The following SLIT2 variants were observed in gnomAD, a reference collection of about 807,000 sequenced individuals.
The protein encoded by SLIT2 is slit guidance ligand 2.
SLIT2 carries 41 observed loss-of-function variants against 185.7 expected under a neutral mutation model. The ratio of observed to expected loss-of-function variants is 0.22; its 90% CI spans 0.17 to 0.29. The LOEUF (loss-of-function observed/expected upper bound fraction) is 0.29. Among genes scored for constraint, SLIT2 ranks in the 10% least tolerant of loss-of-function variants. SLIT2 has a pLI of 1.00. For synonymous variants in SLIT2, 693 were observed against 680.2 expected, an observed-to-expected ratio of 1.02 and a Z score of -0.29; for missense variants, 1,571 against 1,909.0, an observed-to-expected ratio of 0.82 and a Z score of 3.30.
At chr4:20,314,655 A>G (rs1012489916) in intron 4 of SLIT2, among the ~76,000 whole-genome samples, 1 of 152,142 alleles carries the variant, frequency 6.6e-6, no homozygotes, top group African/African-American at 2.4e-5. Context: ...TGGGAAGAAG[A>G]AAAAAATAGG....
chr4:20,500,046 T>C (rs1718576936), intron 9 of SLIT2, among the ~76,000 whole-genome samples: 1 of 152,190 alleles, frequency 6.6e-6, no homozygotes, highest in South Asian at 2.1e-4. Flanking sequence ...ATGGATGAAC[T>C]TGACTACTAT....
At position 20,254,982 on chromosome 4, in the gene SLIT2, T is replaced by C. The variant is rs772014908; in HGVS notation, c.179+988T>C. On this transcript the variant is annotated intron_variant, in intron 1 of 36. Transcript: ENST00000504154. The surrounding 1 kb of genome is among the most constrained non-coding windows in gnomAD (Gnocchi z 5.1). ...GTGTTGACGGCCCACGCGCTCCTGA[T>C]GAGGCGCTTCCAGAGTTCAGCGAAG... 2 of 456,298 alleles carry C rather than the reference T, an allele frequency of 4.4e-6. No homozygotes were observed. Among genetic ancestry groups the C allele is most frequent in the South Asian group, 3.1e-5 (2 of 64,576 alleles). 28.3% of individuals were successfully genotyped at this position (456,298 alleles called of 1,614,324 possible). A position where few individuals can be genotyped will look rare whatever the true frequency, so the allele number is the denominator to read the frequency against.
chr4:20,548,228 A>G (rs1179987174), intron 22 of SLIT2, among the ~76,000 whole-genome samples: 2 of 151,998 alleles, frequency 1.3e-5, no homozygotes, highest in Non-Finnish European at 2.9e-5. Flanking sequence ...AAGTGAACCA[A>G]CCCCTTGCAC....
intron 26 of SLIT2, among the ~76,000 whole-genome samples, chr4:20,555,762 A>AT (rs1052330544): frequency 3.9e-5 from 6 of 151,918 alleles, no homozygotes; most frequent in African/African-American, 9.7e-5. Flanking sequence ...CTCATCTGAG[A>AT]TTTTTTTTAA....
intron 29 of SLIT2, among the ~76,000 whole-genome samples, chr4:20,580,944 G>A (rs545062385): frequency 1.1e-4 from 17 of 152,054 alleles, no homozygotes; most frequent in East Asian, 9.7e-4. Context: ...GGAAAGAGAC[G>A]TAAAAATGAA....
At chr4:20,538,282 C>T (rs891542456) in intron 18 of SLIT2, among the ~76,000 whole-genome samples, 8 of 152,062 alleles carry the variant, frequency 5.3e-5, no homozygotes, top group Non-Finnish European at 1.2e-4. Flanking sequence ...TTCAACTTCC[C>T]CCAGGGGCAT....
intron 4 of SLIT2, among the ~76,000 whole-genome samples, chr4:20,277,912 A>G (rs1194847182): frequency 6.6e-6 from 1 of 151,826 alleles, no homozygotes; most frequent in Non-Finnish European, 1.5e-5. Flanking sequence ...CAGTTAACCA[A>G]AAAGGAATGG....
chr4:20,395,630 A>C (rs1431653852), intron 4 of SLIT2, among the ~76,000 whole-genome samples: 2 of 152,016 alleles, frequency 1.3e-5, no homozygotes, highest in East Asian at 3.9e-4. Flanking sequence ...ATACCAAAAA[A>C]GCATTGGGCA....
chr4:20,427,717 C>A (rs1728664590), intron 4 of SLIT2, among the ~76,000 whole-genome samples: 1 of 149,824 alleles, frequency 6.7e-6, no homozygotes, highest in East Asian at 2.0e-4. Context: ...CTGATAATCA[C>A]TACTGTCAAT....
At chr4:20,391,777 G>GAGTT (rs1725435685) in intron 4 of SLIT2, among the ~76,000 whole-genome samples, 1 of 152,032 alleles carries the variant, frequency 6.6e-6, no homozygotes, top group African/African-American at 2.4e-5. Flanking sequence ...TAAAAAGATA[G>GAGTT]AGTTAGTAAA....
chr4:20,602,474 AC>A (rs1728483156), intron 33 of SLIT2, among the ~76,000 whole-genome samples: 1 of 152,218 alleles, frequency 6.6e-6, no homozygotes, highest in African/African-American at 2.4e-5. Flanking sequence ...CTTCTTGTAG[AC>A]ATGCCTGCTG....
intron 9 of SLIT2, among the ~76,000 whole-genome samples, chr4:20,498,989 T>G (rs751193176): frequency 1.6e-4 from 24 of 152,250 alleles, no homozygotes; most frequent in Non-Finnish European, 3.4e-4. Flanking sequence ...GAAATCTCTG[T>G]ACTGTCTTCC....
chr4:20,547,144 A>G (rs1723318986), intron 22 of SLIT2, among the ~76,000 whole-genome samples: 2 of 152,158 alleles, frequency 1.3e-5, no homozygotes, highest in South Asian at 4.1e-4. Flanking sequence ...AGTAAATAGG[A>G]GTATTTAAAT....
At chr4:20,321,878 G>A (rs1046794378) in intron 4 of SLIT2, among the ~76,000 whole-genome samples, 1 of 152,050 alleles carries the variant, frequency 6.6e-6, no homozygotes, top group Non-Finnish European at 1.5e-5. Flanking sequence ...AGGGACAGTG[G>A]TTCTCAAGTG....
intron 4 of SLIT2, among the ~76,000 whole-genome samples, chr4:20,322,232 G>C (rs556416956): frequency 6.6e-6 from 1 of 152,172 alleles, no homozygotes; most frequent in Non-Finnish European, 1.5e-5. Context: ...ATGCACCCAT[G>C]ACACAACTTC....
intron 4 of SLIT2, among the ~76,000 whole-genome samples, chr4:20,404,114 T>C (rs1215007948): frequency 6.6e-6 from 1 of 151,976 alleles, no homozygotes; most frequent in Admixed American, 6.6e-5. Flanking sequence ...GTGTGTGCAT[T>C]CTTAGTCAAC....
chr4:20,581,418 T>C (rs993414672), intron 29 of SLIT2, among the ~76,000 whole-genome samples: 4 of 152,182 alleles, frequency 2.6e-5, no homozygotes, highest in East Asian at 1.9e-4. Flanking sequence ...AGGGGCACAA[T>C]TGAATCCTCA....
chr4:20,409,328 T>G (rs1184740657), intron 4 of SLIT2, among the ~76,000 whole-genome samples: 1 of 152,172 alleles, frequency 6.6e-6, no homozygotes. Context: ...CACTATTTAG[T>G]TTTCTGTTCC....
At chr4:20,452,140 A>G (rs1383469494) in intron 4 of SLIT2, among the ~76,000 whole-genome samples, 1 of 152,238 alleles carries the variant, frequency 6.6e-6, no homozygotes, top group Non-Finnish European at 1.5e-5. Flanking sequence ...TTAAATGTGC[A>G]TATTCAATGG....
Sources: gnomAD v4.1 joint callset for allele counts (sites outside exome capture counted in the v4.1 genomes callset) on GRCh38, gnomAD v4.1.1 for gene constraint, Gnocchi (gnomAD v3.1) non-coding constraint, MANE v1.5 for transcripts, NCBI Gene and HGNC (gene_info 2026-07-23, HGNC 2026-07-21) for gene names.